The following RAI1 variants were observed in gnomAD, a reference collection of about 807,000 sequenced individuals.
RAI1 encodes retinoic acid-induced protein 1.
A neutral mutation model predicts 123.8 loss-of-function variants in RAI1; 9 were observed. The observed-to-expected ratio is 0.07, with a 90% CI of 0.04 to 0.13. The LOEUF is 0.13. RAI1 is among the 10% of genes least tolerant of loss of function. RAI1 has a pLI of 1.00. For missense variants in RAI1, 2,256 were observed against 2,545.8 expected (o/e 0.89, Z 2.45); for synonymous variants, 1,231 against 1,127.3 (o/e 1.09, Z -1.84).
Position 17,724,025 on chromosome 17 carries a change from A to G in RAI1, c.-148-3A>G, listed in dbSNP as rs2057321695. On this transcript the variant is annotated splice_polypyrimidine_tract_variant and splice_region_variant and intron_variant, in intron 1 of 5. Coordinates refer to ENST00000353383, the MANE Select transcript of RAI1 (RefSeq NM_030665.4). ...GCGAGCGCTCACATTTGTTTCTCCC[A>G]AGGATCTCATCTGGCCACCGCGTTC... 7.1e-6 allele frequency: 1 copy of G among 141,230 alleles called. No individual in the cohort carries two copies. The highest frequency in any genetic ancestry group is 3.0e-4 in the South Asian group (1 of 3,346). 8.7% of individuals were successfully genotyped at this position (141,230 alleles called of 1,614,324 possible). A position where few individuals can be genotyped will look rare whatever the true frequency, so the allele number is the denominator to read the frequency against.
intron 1 of RAI1, among the ~76,000 whole-genome samples, chr17:17,711,849 C>T (rs1027109588): frequency 6.6e-6 from 1 of 152,232 alleles, no homozygotes; most frequent in African/African-American, 2.4e-5. Flanking sequence ...CTGGGGCCTC[C>T]GAGGAGGGAC....
intron 4 of RAI1, among the ~76,000 whole-genome samples, chr17:17,808,259 C>G (rs1309138884): frequency 6.6e-6 from 1 of 152,128 alleles, no homozygotes; most frequent in African/African-American, 2.4e-5. Context: ...ACCTCCTGGG[C>G]CTAGGTGGGC....
chr17:17,799,547 AG>A lies in RAI1; in HGVS notation c.5565+1035del, dbSNP rs2032386322. Among the ~76,000 whole-genome samples the A allele has an allele frequency of 6.6e-6, 1 of 151,972 alleles. No homozygotes were observed. The highest frequency in any genetic ancestry group is 2.4e-5 in the African/African-American group (1 of 41,356). ...CCGTGGAGTGACGCTCCCGGCTCTC[AG>A]CGCTGTGTGGTGGCTCTCAGTGGGG... On this transcript the variant is annotated intron_variant, in intron 3 of 5. Transcript: ENST00000353383. This position sits in a 1 kb window ranked among gnomAD's most constrained non-coding sequence, Gnocchi z 4.5.
chr17:17,756,572 C>T (rs2030446623), intron 2 of RAI1, among the ~76,000 whole-genome samples: 1 of 152,174 alleles, frequency 6.6e-6, no homozygotes, highest in Non-Finnish European at 1.5e-5. Flanking sequence ...TTCACCTTTA[C>T]CTCCCTTACG....
chr17:17,791,319 G>T (rs2032005503), intron 2 of RAI1, among the ~76,000 whole-genome samples: 1 of 152,186 alleles, frequency 6.6e-6, no homozygotes. Context: ...TCCATCCCCA[G>T]ACACTAAATG....
intron 2 of RAI1, among the ~76,000 whole-genome samples, chr17:17,749,262 C>T (rs887771108): frequency 9.2e-5 from 14 of 152,182 alleles, no homozygotes; most frequent in Admixed American, 8.5e-4. Flanking sequence ...CGGCTGGAGA[C>T]GACTCTTGAT....
chr17:17,745,558 T>TGGGG (rs1287798791), intron 2 of RAI1, among the ~76,000 whole-genome samples: 2 of 151,926 alleles, frequency 1.3e-5, no homozygotes, highest in Admixed American at 6.6e-5. Context: ...CCACCACGCC[T>TGGGG]GGCTATTTTT....
At chr17:17,792,780 G>A (rs970940118) in intron 2 of RAI1, among the ~76,000 whole-genome samples, 153 bp from the exon 3 acceptor site, 8 of 149,970 alleles carry the variant, frequency 5.3e-5, no homozygotes, top group Non-Finnish European at 1.0e-4. Flanking sequence ...TAAGAGCTGC[G>A]CGGGGGAGCA....
rs1279684684 is a variant in RAI1 at position 17,795,889 on chromosome 17, G to A, written c.2941G>A (p.Val981Met). The change falls in exon 3 of 6, where the codon GTG becomes ATG. Residue 981 changes from valine to methionine, a missense_variant. Physicochemically the swap from Val to Met is conservative, Grantham distance 21. This residue lies in a region of RAI1 where 566 missense variants were observed against 616.0 expected (regional missense o/e 0.92). Transcript: ENST00000353383. This position sits in a 1 kb window ranked among gnomAD's most constrained non-coding sequence, Gnocchi z 5.9. ...GGCCCAGAAGCCCAACAAGCCTGCT[G>A]TGCCCGAGGCGCCCATCGCAAAGAA... is the stretch of plus-strand genomic sequence containing the variant. The part of the protein sequence containing the change: ...SLAQKPNKPA[V>M]PEAPIAKKEP... 1 of 1,612,184 alleles carries A rather than the reference G, an allele frequency of 6.2e-7. No homozygotes were observed. Among genetic ancestry groups the A allele is most frequent in the South Asian group, 1.1e-5 (1 of 91,088 alleles).
At chr17:17,756,665 C>T (rs1173444413) in intron 2 of RAI1, among the ~76,000 whole-genome samples, 1 of 152,138 alleles carries the variant, frequency 6.6e-6, no homozygotes, top group East Asian at 1.9e-4. Flanking sequence ...TCCTTGAGCG[C>T]CTACTACGTG....
intron 2 of RAI1, among the ~76,000 whole-genome samples, chr17:17,739,597 C>T (rs998679295): frequency 6.6e-6 from 1 of 152,224 alleles, no homozygotes; most frequent in Non-Finnish European, 1.5e-5. Flanking sequence ...GAAAGCTTTG[C>T]TCTGTCTCAG....
chr17:17,794,319 T>C lies in RAI1; in HGVS notation c.1371T>C (p.Ala457=), dbSNP rs770227900. The change falls in exon 3 of 6, where the codon GCT becomes GCC. Residue 457 remains alanine, a synonymous_variant. Transcript: ENST00000353383. ...NTVQQLLLSK[A]AVPQKKGVKN... is the part of the protein sequence containing the mutation. ...TCCAGCAGCTGCTGCTCTCCAAGGC[T>C]GCTGTGCCGCAGAAGAAAGGTGTCA... is the stretch of plus-strand genomic sequence containing the variant. 6.2e-7 allele frequency: 1 copy of C among 1,613,090 alleles called. No individual in the cohort carries two copies. Among genetic ancestry groups the C allele is most frequent in the Admixed American group, 1.7e-5 (1 of 60,016 alleles).
intron 1 of RAI1, among the ~76,000 whole-genome samples, chr17:17,689,695 A>G (rs1457793055): frequency 1.3e-5 from 2 of 152,202 alleles, no homozygotes; most frequent in Non-Finnish European, 2.9e-5. Context: ...TAGCCAAGTT[A>G]TTTATCTCCT....
At chr17:17,792,579 G>GCCCCC (rs2032055909) in intron 2 of RAI1, among the ~76,000 whole-genome samples, 2 of 22 alleles carry the variant, frequency 0.091, no homozygotes, top group African/African-American at 0.17. Context: ...GCAATGGGCG[G>GCCCCC]GGGGGGGGCG....
Position 17,714,530 on chromosome 17 carries a change from C to G in RAI1, c.-148-9498C>G, listed in dbSNP as rs1043131761. 2.6e-5 allele frequency among the ~76,000 whole-genome samples: 4 copies of G among 152,232 alleles called. No individual in the cohort carries two copies. Among genetic ancestry groups the G allele is most frequent in the Admixed American group, 2.6e-4 (4 of 15,286 alleles). On this transcript the variant is annotated intron_variant, in intron 1 of 5. Coordinates refer to ENST00000353383, the MANE Select transcript of RAI1 (RefSeq NM_030665.4). This position sits in a 1 kb window ranked among gnomAD's most constrained non-coding sequence, Gnocchi z 4.9. The stretch of plus-strand genomic sequence containing the variant: ...CGGAGGGCTTGTGGCGTGGCCAACT[C>G]TGAGTGACGTTTATGCACTCATTTC...
At chr17:17,695,271 C>T (rs1055852107) in intron 1 of RAI1, among the ~76,000 whole-genome samples, 8 of 152,204 alleles carry the variant, frequency 5.3e-5, no homozygotes, top group Non-Finnish European at 1.2e-4. Context: ...ACACCTCACC[C>T]GGTCCAGGCC....
intron 2 of RAI1, among the ~76,000 whole-genome samples, chr17:17,762,705 C>T (rs2030754619): frequency 1.3e-5 from 2 of 152,028 alleles, no homozygotes; most frequent in Admixed American, 6.6e-5. Flanking sequence ...GGGGACTTGT[C>T]GGGAGGGGCA....
chr17:17,803,662 A>T, intron 3 of RAI1, 94 bp from the exon 4 acceptor site: 1 of 1,175,022 alleles, frequency 8.5e-7, no homozygotes, highest in Non-Finnish European at 1.3e-6. Context: ...CTGGGATTAC[A>T]GGCATGAGCC....
chr17:17,741,973 C>G (rs767233476), intron 2 of RAI1, among the ~76,000 whole-genome samples: 3 of 152,082 alleles, frequency 2.0e-5, no homozygotes, highest in Non-Finnish European at 4.4e-5. Context: ...CATTTCAGCT[C>G]TTTTGGCTTT....
Sources: allele counts gnomAD v4.1 joint callset (sites outside exome capture counted in the v4.1 genomes callset), GRCh38; gene constraint gnomAD v4.1.1; regional missense constraint gnomAD v4.1.1; non-coding constraint Gnocchi (gnomAD v3.1); transcripts MANE v1.5; gene names NCBI Gene and HGNC (gene_info 2026-07-23, HGNC 2026-07-21).